The following RSPO1 variants were observed in gnomAD, a reference collection of about 807,000 sequenced individuals.
The protein encoded by RSPO1 is R-spondin 1.
In RSPO1, 18 loss-of-function variants were observed where a neutral mutation model predicts 26.0. The observed-to-expected ratio is 0.69, with a 90% CI of 0.48 to 1.03. The LOEUF is 1.03. RSPO1 is among the 50% of genes least tolerant of loss of function. The probability of loss-of-function intolerance (pLI) is 0.00; values close to 1 mark genes in which losing one functional copy is unlikely to be tolerated. For missense variants in RSPO1, 309 were observed against 352.3 expected (o/e 0.88, Z 0.98); for synonymous variants, 133 against 137.4 (o/e 0.97, Z 0.22).
At chr1:37,630,573 C>T (rs890323409) in intron 2 of RSPO1, among the ~76,000 whole-genome samples, 4 of 152,236 alleles carry the variant, frequency 2.6e-5, no homozygotes, top group Admixed American at 6.5e-5. Context: ...CAGCAATGCC[C>T]GCCCTGGCCA....
chr1:37,618,138 A>G (rs1557432454), intron 3 of RSPO1, among the ~76,000 whole-genome samples: 2 of 152,250 alleles, frequency 1.3e-5, no homozygotes, highest in Non-Finnish European at 2.9e-5. Flanking sequence ...CTATCTTTAT[A>G]TCATGCTAAG....
chr1:37,632,698 G>A (rs988707994), intron 1 of RSPO1, among the ~76,000 whole-genome samples: 9 of 152,194 alleles, frequency 5.9e-5, no homozygotes, highest in African/African-American at 1.9e-4. Context: ...GACAGGTCTC[G>A]GACTAGGAAC....
intron 3 of RSPO1, among the ~76,000 whole-genome samples, chr1:37,623,681 C>G (rs931587168): frequency 1.3e-5 from 2 of 150,758 alleles, no homozygotes; most frequent in Non-Finnish European, 2.9e-5. Context: ...AGTTGCAGAC[C>G]AGCTTGGGCA....
chr1:37,617,186 A>G (rs189514667), intron 3 of RSPO1, among the ~76,000 whole-genome samples: 10 of 152,340 alleles, frequency 6.6e-5, no homozygotes, highest in Non-Finnish European at 1.3e-4. Flanking sequence ...TCCCCAGGGG[A>G]CATTTGACAA....
rs1644325784 is a variant in RSPO1 at position 37,629,554 on chromosome 1, G to C, written c.94+14C>G. The C allele has an allele frequency of 6.2e-7, 1 of 1,612,014 alleles. No homozygotes were observed. The highest frequency in any genetic ancestry group is 1.7e-5 in the Admixed American group (1 of 60,008). On this transcript the variant is annotated intron_variant, in intron 3 of 6. Transcript: ENST00000356545. Reference sequence around the variant, plus strand: ...CCCAAGGCCAGCTGTGGCCCACCATGCTCCATTACTCACTCCGCCTCTGCC... The same window carrying C: ...CCCAAGGCCAGCTGTGGCCCACCATCCTCCATTACTCACTCCGCCTCTGCC...
chr1:37,620,329 A>G, intron 3 of RSPO1, among the ~76,000 whole-genome samples: 1 of 152,148 alleles, frequency 6.6e-6, no homozygotes, highest in East Asian at 1.9e-4. Flanking sequence ...CCTGGGCAAC[A>G]TAGGGAGACC....
chr1:37,632,975 C>T (rs1363871820), intron 1 of RSPO1, among the ~76,000 whole-genome samples: 1 of 152,198 alleles, frequency 6.6e-6, no homozygotes, highest in Non-Finnish European at 1.5e-5. Context: ...TCACTCTACA[C>T]AGATAGAATG....
chr1:37,629,715 G>T lies in RSPO1; in HGVS notation c.-54C>A. 1 of 1,604,404 alleles carries T rather than the reference G, an allele frequency of 6.2e-7. No homozygotes were observed. The highest frequency in any genetic ancestry group is 2.3e-5 in the East Asian group (1 of 44,204). On this transcript the variant is annotated 5_prime_UTR_variant, in exon 3 of 7. Transcript: ENST00000356545. ...CGGAGGGGTGGTCTCGGGGAGGGTG[G>T]ATAGCACACGGCTCTTGCTAACACC...
chr1:37,614,012 G>A (rs1557429196), intron 5 of RSPO1, 120 bp from the exon 6 acceptor site: 2 of 1,345,276 alleles, frequency 1.5e-6, no homozygotes, highest in Non-Finnish European at 2.1e-6. Flanking sequence ...ACCTGAGGCT[G>A]CAGGTATCTT....
At chr1:37,621,943 G>A (rs747593927) in intron 3 of RSPO1, among the ~76,000 whole-genome samples, 9 of 151,684 alleles carry the variant, frequency 5.9e-5, no homozygotes, top group Non-Finnish European at 1.3e-4. Context: ...CTACAACTAC[G>A]GTCACATGCC....
chr1:37,631,230 G>A (rs554251369), intron 2 of RSPO1, among the ~76,000 whole-genome samples: 12 of 152,134 alleles, frequency 7.9e-5, no homozygotes, highest in Admixed American at 1.3e-4. Context: ...GGCCTCTCCC[G>A]CTGGCTTTGA....
intron 3 of RSPO1, among the ~76,000 whole-genome samples, chr1:37,625,170 T>G (rs1471908477): frequency 6.6e-6 from 1 of 152,254 alleles, no homozygotes; most frequent in African/African-American, 2.4e-5. Flanking sequence ...TGCTAACATG[T>G]CTTTTTCTCT....
chr1:37,620,819 G>A (rs1466944470), intron 3 of RSPO1, among the ~76,000 whole-genome samples: 4 of 152,032 alleles, frequency 2.6e-5, no homozygotes, highest in African/African-American at 7.2e-5. Flanking sequence ...AGTCATTATA[G>A]ATTTTAGGCA....
chr1:37,623,820 C>T (rs962456284), intron 3 of RSPO1, among the ~76,000 whole-genome samples: 5 of 148,626 alleles, frequency 3.4e-5, no homozygotes, highest in Non-Finnish European at 7.4e-5. Context: ...AGTGCAATGG[C>T]GCAATCTTGG....
chr1:37,628,053 T>C (rs1005927417), intron 3 of RSPO1, among the ~76,000 whole-genome samples: 1 of 152,232 alleles, frequency 6.6e-6, no homozygotes, highest in Non-Finnish European at 1.5e-5. Flanking sequence ...TCCTTTTTAA[T>C]ACAACAGACT....
intron 4 of RSPO1, among the ~76,000 whole-genome samples, chr1:37,615,700 G>A (rs767425752): frequency 6.6e-6 from 1 of 152,236 alleles, no homozygotes; most frequent in Non-Finnish European, 1.5e-5. Flanking sequence ...GTGTTCACAC[G>A]TGTCCCCCAG....
intron 3 of RSPO1, among the ~76,000 whole-genome samples, chr1:37,617,588 G>A (rs1644134766): frequency 6.8e-6 from 1 of 146,908 alleles, no homozygotes; most frequent in African/African-American, 2.5e-5. Flanking sequence ...TTTGAACCTG[G>A]GAGGCGGAGT....
At chr1:37,621,909 C>T (rs1644208886) in intron 3 of RSPO1, among the ~76,000 whole-genome samples, 1 of 151,650 alleles carries the variant, frequency 6.6e-6, no homozygotes, top group Non-Finnish European at 1.5e-5. Context: ...TCAGGTGATC[C>T]TCCTGCTTCA....
rs749933928 is a variant in RSPO1, at chr1:37,612,535, G to A, written c.*220C>T. On this transcript the variant is annotated 3_prime_UTR_variant, in exon 7 of 7. Transcript: ENST00000356545. Reference sequence around the variant, plus strand: ...GTGTGTGTGTGTATGTGTGTGTGTGGTGTCTGTGTCTGCGTGTGTACATGA... The same window carrying A: ...GTGTGTGTGTGTATGTGTGTGTGTGATGTCTGTGTCTGCGTGTGTACATGA... 1.6e-6 allele frequency: 1 copy of A among 609,418 alleles called. No individual in the cohort carries two copies. Among genetic ancestry groups the A allele is most frequent in the Non-Finnish European group, 3.0e-6 (1 of 336,428 alleles). The allele number at this position is 609,418 out of a possible 1,614,324, so 37.8% of individuals were successfully genotyped here.
Sources: gnomAD v4.1 joint callset for allele counts (sites outside exome capture counted in the v4.1 genomes callset) on GRCh38, gnomAD v4.1.1 for gene constraint, MANE v1.5 for transcripts, NCBI Gene and HGNC (gene_info 2026-07-23, HGNC 2026-07-21) for gene names.